RDX: variants seen among roughly 807,000 people sequenced by gnomAD.
The protein encoded by RDX is deafness, autosomal recessive 24.
In RDX, 32 loss-of-function variants were observed where a neutral mutation model predicts 83.7. That is an observed-to-expected ratio of 0.38 (90% CI 0.29 to 0.51). The LOEUF is 0.51. Among genes scored for constraint, RDX ranks in the 20% least tolerant of loss-of-function variants. The pLI is 0.87. For synonymous variants in RDX, 229 were observed against 222.7 expected, an observed-to-expected ratio of 1.03 and a Z score of -0.25; for missense variants, 600 against 689.9, an observed-to-expected ratio of 0.87 and a Z score of 1.46.
At chr11:110,237,373 T>A in intron 11 of RDX, 119 bp downstream of exon 11, 1 of 882,340 alleles carries the variant, frequency 1.1e-6, no homozygotes. Context: ...TTAAGTTACA[T>A]GTTATCTTTG....
intron 3 of RDX, among the ~76,000 whole-genome samples, chr11:110,270,170 T>C (rs1860246750): frequency 1.3e-5 from 2 of 152,030 alleles, no homozygotes; most frequent in African/African-American, 2.4e-5. Flanking sequence ...GGATACATTC[T>C]GAGAAATGCA....
chr11:110,192,919 G>A lies in RDX; in HGVS notation c.*31+6662C>T. ...GAGAATTCTTATACACTGTTGGTGG[G>A]AATATAAATTAGTTCAGCCACTGTG... On this transcript the variant is annotated intron_variant, in intron 15 of 15. Coordinates refer to the RDX transcript ENST00000528498. Among the ~76,000 whole-genome samples the A allele has an allele frequency of 1.3e-5, 2 of 152,222 alleles. 1 individual carries two copies. The highest frequency in any genetic ancestry group is 1.3e-4 in the Admixed American group (2 of 15,290).
intron 10 of RDX, among the ~76,000 whole-genome samples, chr11:110,240,469 C>A (rs539802508): frequency 1.3e-5 from 2 of 152,202 alleles, no homozygotes; most frequent in Middle Eastern, 3.4e-3. Context: ...ATAGGCCGGG[C>A]GCGGTGGCTC....
intron 15 of RDX, among the ~76,000 whole-genome samples, chr11:110,179,026 C>T (rs1862830591): frequency 6.6e-6 from 1 of 152,094 alleles, no homozygotes; most frequent in African/African-American, 2.4e-5. Flanking sequence ...GGGAAAATAC[C>T]AAAGATTTTT....
chr11:110,257,668 TA>T, intron 7 of RDX, 98 bp downstream of exon 7: 1 of 1,192,780 alleles, frequency 8.4e-7, no homozygotes, highest in Non-Finnish European at 1.3e-6. Context: ...ATAGTAAGGG[TA>T]ATCAAGACAA....
At chr11:110,192,191 A>G (rs1477913173) in intron 15 of RDX, among the ~76,000 whole-genome samples, 1 of 152,240 alleles carries the variant, frequency 6.6e-6, no homozygotes, top group Non-Finnish European at 1.5e-5. Flanking sequence ...AAACAGACAC[A>G]CAGACCAATG....
chr11:110,255,418 G>A (rs1859502387), intron 7 of RDX, 33 bp from the exon 8 acceptor site: 1 of 1,110,138 alleles, frequency 9.0e-7, no homozygotes, highest in Admixed American at 1.7e-5. Context: ...TTAATTAAAG[G>A]CAGGAAACAA....
At chr11:110,235,070 C>A (rs1269335455) in intron 12 of RDX, among the ~76,000 whole-genome samples, 1 of 151,932 alleles carries the variant, frequency 6.6e-6, no homozygotes, top group East Asian at 1.9e-4. Context: ...ATCTCGGTGT[C>A]AGCTGCACAC....
chr11:110,220,202 A>T (rs1864196999), intron 14 of RDX, among the ~76,000 whole-genome samples: 1 of 152,212 alleles, frequency 6.6e-6, no homozygotes, highest in Non-Finnish European at 1.5e-5. Context: ...TAAAAAATGG[A>T]ACCCAAAGGA....
At chr11:110,203,591 G>A (rs1408544683) in intron 14 of RDX, among the ~76,000 whole-genome samples, 2 of 151,936 alleles carry the variant, frequency 1.3e-5, no homozygotes, top group Non-Finnish European at 2.9e-5. Flanking sequence ...TTTTCCATAT[G>A]TGATTATTAC....
chr11:110,203,712 CAAAA>C (rs543070739), intron 14 of RDX, among the ~76,000 whole-genome samples: 1 of 151,646 alleles, frequency 6.6e-6, no homozygotes, highest in Non-Finnish European at 1.5e-5. Context: ...GCATCATCTA[CAAAA>C]AAGTTTTAAA....
chr11:110,279,958 C>A (rs918153469), intron 1 of RDX, among the ~76,000 whole-genome samples: 2 of 152,190 alleles, frequency 1.3e-5, no homozygotes, highest in African/African-American at 4.8e-5. Context: ...AAAAATACCA[C>A]ACATCTCAAA....
At chr11:110,222,752 C>T (rs1864294372) in intron 14 of RDX, among the ~76,000 whole-genome samples, 1 of 152,118 alleles carries the variant, frequency 6.6e-6, no homozygotes, top group Non-Finnish European at 1.5e-5. Flanking sequence ...GCCGAGATCG[C>T]TCCACTGCAC....
At chr11:110,255,417 G>A (rs1282099942) in intron 7 of RDX, 32 bp from the exon 8 acceptor site, 3 of 1,115,532 alleles carry the variant, frequency 2.7e-6, no homozygotes, top group Non-Finnish European at 4.1e-6. Context: ...CTTAATTAAA[G>A]GCAGGAAACA....
intron 14 of RDX, among the ~76,000 whole-genome samples, chr11:110,220,668 T>A (rs1864212401): frequency 6.6e-6 from 1 of 152,054 alleles, no homozygotes; most frequent in African/African-American, 2.4e-5. Flanking sequence ...TTGGCTAATT[T>A]TTGTATTTTT....
chr11:110,260,844 A>C (rs1056627372), intron 5 of RDX, among the ~76,000 whole-genome samples: 6 of 152,214 alleles, frequency 3.9e-5, no homozygotes, highest in Non-Finnish European at 8.8e-5. Context: ...ACTATGTAGT[A>C]TAATAATACA....
chr11:110,193,048 C>G (rs1187264965), intron 15 of RDX, among the ~76,000 whole-genome samples: 1 of 152,118 alleles, frequency 6.6e-6, no homozygotes, highest in Non-Finnish European at 1.5e-5. Flanking sequence ...ATCACTCTAC[C>G]AGAGAGACAC....
At chr11:110,194,579 C>T (rs1202556230) in intron 15 of RDX, among the ~76,000 whole-genome samples, 2 of 152,246 alleles carry the variant, frequency 1.3e-5, no homozygotes, top group East Asian at 1.9e-4. Flanking sequence ...GATTTTATGC[C>T]AACTTCCACT....
exon 16 of RDX, chr11:110,175,194 G>A (rs1001409387): frequency 6.6e-6 from 1 of 152,216 alleles, no homozygotes; most frequent in African/African-American, 2.4e-5. Flanking sequence ...GGTTATTTCA[G>A]AGTCTGGACT....
Sources: gnomAD v4.1 joint callset for allele counts (sites outside exome capture counted in the v4.1 genomes callset) on GRCh38, gnomAD v4.1.1 for gene constraint, MANE v1.5 for transcripts, NCBI Gene and HGNC (gene_info 2026-07-23, HGNC 2026-07-21) for gene names.